POFUT4: variants seen among roughly 807,000 people sequenced by gnomAD.
POFUT4 encodes GDP-fucose protein O-fucosyltransferase 4.
At chr10:73,773,485 A>G in the POFUT4 span, 2 of 1,614,206 alleles carry the variant, frequency 1.2e-6, no homozygotes, top group Non-Finnish European at 1.7e-6. Context: ...AAGCTGGCAG[A>G]GTTTATTGAC....
chr10:73,779,442 A>C, the POFUT4 span: 1 of 152,466 alleles, frequency 6.6e-6, no homozygotes, highest in Admixed American at 6.5e-5. Flanking sequence ...GCATGACTAT[A>C]ATCCCAGCTA....
At chr10:73,777,585 G>A in the POFUT4 span, among the ~76,000 whole-genome samples, 35 of 147,168 alleles carry the variant, frequency 2.4e-4, no homozygotes, top group African/African-American at 7.8e-4. Context: ...ATGGAGTTTC[G>A]CTCTTGTTGC....
chr10:73,772,544 G>A, the POFUT4 span: 2 of 1,571,604 alleles, frequency 1.3e-6, no homozygotes, highest in Non-Finnish European at 1.7e-6. Context: ...AGGGAGGGAG[G>A]AGGCGGGGGA....
At chr10:73,772,553 GAC>G in the POFUT4 span, 2 of 1,575,390 alleles carry the variant, frequency 1.3e-6, no homozygotes, top group Non-Finnish European at 1.7e-6. Flanking sequence ...GGAGGCGGGG[GAC>G]TTGCCGGTAC....
the POFUT4 span, among the ~76,000 whole-genome samples, chr10:73,778,473 C>CT: frequency 2.7e-5 from 4 of 149,774 alleles, no homozygotes; most frequent in Non-Finnish European, 5.9e-5. Flanking sequence ...AACATACAGT[C>CT]TAATGAGCAG....
chr10:73,776,132 T>G, the POFUT4 span: 1 of 154,850 alleles, frequency 6.5e-6, no homozygotes, highest in African/African-American at 2.4e-5. Flanking sequence ...TATAAATTGT[T>G]ACGTTGGTGG....
chr10:73,776,836 C>T, the POFUT4 span, among the ~76,000 whole-genome samples: 2 of 152,128 alleles, frequency 1.3e-5, no homozygotes, highest in Non-Finnish European at 2.9e-5. Context: ...TGCACCACCA[C>T]GCCCAGCTAA....
the POFUT4 span, chr10:73,773,757 G>T: frequency 6.2e-7 from 1 of 1,611,632 alleles, no homozygotes; most frequent in Non-Finnish European, 8.5e-7. Flanking sequence ...CTCACACATG[G>T]ACTGCCCAGT....
the POFUT4 span, chr10:73,773,609 T>C: frequency 5.0e-5 from 81 of 1,614,114 alleles, no homozygotes; most frequent in Admixed American, 1.0e-4. Flanking sequence ...GGGGAGTGAA[T>C]GATCCTTTGC....
At chr10:73,775,516 T>C in the POFUT4 span, 3 of 1,614,230 alleles carry the variant, frequency 1.9e-6, no homozygotes, top group Non-Finnish European at 2.5e-6. Flanking sequence ...AGTTCCATAA[T>C]CCAACCCCCA....
the POFUT4 span, chr10:73,772,625 T>TGCAC: frequency 6.4e-7 from 1 of 1,559,550 alleles, no homozygotes; most frequent in Non-Finnish European, 8.7e-7. Context: ...GCGCATCGAG[T>TGCAC]GTGCGCGCGG....
chr10:73,776,124 T>A, the POFUT4 span: 1 of 155,726 alleles, frequency 6.4e-6, no homozygotes, highest in Non-Finnish European at 1.4e-5. Flanking sequence ...TCTTGCTTTA[T>A]AAATTGTTAC....
chr10:73,773,402 T>C, the POFUT4 span: 1 of 1,614,214 alleles, frequency 6.2e-7, no homozygotes, highest in Non-Finnish European at 8.5e-7. Context: ...TGTACCGCGG[T>C]TCTCCCTCTG....
the POFUT4 span, chr10:73,772,475 C>G: frequency 3.3e-4 from 504 of 1,548,570 alleles, no homozygotes; most frequent in Non-Finnish European, 4.2e-4. Context: ...CGCGGTTTTC[C>G]GGCCGCCCTC....
At chr10:73,772,334 A>G in the POFUT4 span, 17 of 1,451,410 alleles carry the variant, frequency 1.2e-5, no homozygotes, top group East Asian at 2.7e-5. Flanking sequence ...CGGAGTGGAC[A>G]TGGCGGCCGG....
chr10:73,773,607 A>C, the POFUT4 span: 1 of 1,614,218 alleles, frequency 6.2e-7, no homozygotes, highest in South Asian at 1.1e-5. Flanking sequence ...GTGGGGAGTG[A>C]ATGATCCTTT....
chr10:73,772,512 G>T, the POFUT4 span: 1 of 1,558,996 alleles, frequency 6.4e-7, no homozygotes, highest in Non-Finnish European at 8.7e-7. Flanking sequence ...GGGGTGACGC[G>T]CAGCTCTGGG....
chr10:73,773,382 G>T, the POFUT4 span: 10 of 1,614,096 alleles, frequency 6.2e-6, no homozygotes, highest in East Asian at 4.5e-5. Context: ...GCACCTGGGC[G>T]CTGTGCCCGT....
chr10:73,779,904 A>T, the POFUT4 span: 1 of 152,204 alleles, frequency 6.6e-6, no homozygotes, highest in Non-Finnish European at 1.5e-5. Flanking sequence ...TGCTTTCCAG[A>T]CTTTCTCCTT....
Sources: allele counts gnomAD v4.1 joint callset (sites outside exome capture counted in the v4.1 genomes callset), GRCh38; gene constraint gnomAD v4.1.1; transcripts MANE v1.5; gene names NCBI Gene and HGNC (gene_info 2026-07-23, HGNC 2026-07-21).